Variants in SH3RF1 observed in about 807,000 individuals in gnomAD.
SH3RF1 encodes the protein SH3 domain containing ring finger 1, also known as E3 ubiquitin-protein ligase SH3RF1.
In SH3RF1, 32 loss-of-function variants were observed where a neutral mutation model predicts 74.0. The ratio of observed to expected loss-of-function variants is 0.43; its 90% confidence interval spans 0.33 to 0.58. The LOEUF (loss-of-function observed/expected upper bound fraction) is 0.58. Among genes scored for constraint, SH3RF1 ranks in the 20% least tolerant of loss-of-function variants. The probability of loss-of-function intolerance (pLI) is 0.05; values close to 1 mark genes in which losing one functional copy is unlikely to be tolerated. For synonymous variants in SH3RF1, 396 were observed against 439.6 expected, an observed-to-expected ratio of 0.90 and a Z score of 1.24; for missense variants, 954 against 1,130.9, an observed-to-expected ratio of 0.84 and a Z score of 2.24.
At chr4:169,183,615 G>C (rs1437217260) in intron 2 of SH3RF1, among the ~76,000 whole-genome samples, 1 of 152,030 alleles carries the variant, frequency 6.6e-6, no homozygotes, top group Non-Finnish European at 1.5e-5. Flanking sequence ...GGGTGTGGTG[G>C]TGTACAACTG....
At chr4:169,260,872 C>T (rs1184460466) in intron 2 of SH3RF1, among the ~76,000 whole-genome samples, 28 of 152,192 alleles carry the variant, frequency 1.8e-4, no homozygotes, top group Admixed American at 1.8e-3. Flanking sequence ...ACACTACATC[C>T]ACTTTATAAT....
At chr4:169,221,520 C>G (rs1261511905) in intron 2 of SH3RF1, among the ~76,000 whole-genome samples, 1 of 152,156 alleles carries the variant, frequency 6.6e-6, no homozygotes, top group Non-Finnish European at 1.5e-5. Context: ...ACCAACAACT[C>G]AGTTCCGAGA....
intron 5 of SH3RF1, among the ~76,000 whole-genome samples, chr4:169,132,483 C>A (rs1037705733): frequency 6.6e-6 from 1 of 152,112 alleles, no homozygotes; most frequent in African/African-American, 2.4e-5. Flanking sequence ...AGCACTGCAG[C>A]AAAGGAAGAG....
chr4:169,227,471 C>T (rs1014109307), intron 2 of SH3RF1, among the ~76,000 whole-genome samples: 5 of 152,138 alleles, frequency 3.3e-5, no homozygotes, highest in Admixed American at 6.5e-5. Flanking sequence ...ATGTAGTTGT[C>T]TTAACAGGTA....
chr4:169,146,307 G>A (rs1478030803), intron 4 of SH3RF1, among the ~76,000 whole-genome samples: 1 of 148,640 alleles, frequency 6.7e-6, no homozygotes, highest in Non-Finnish European at 1.5e-5. Flanking sequence ...TCAGCTTGCT[G>A]CAACCTCTGC....
At chr4:169,261,910 A>T (rs1389538173) in intron 2 of SH3RF1, among the ~76,000 whole-genome samples, 1 of 152,180 alleles carries the variant, frequency 6.6e-6, no homozygotes, top group Non-Finnish European at 1.5e-5. Context: ...TAAAACAAAG[A>T]AAAATACTAT....
At chr4:169,244,374 T>C (rs2110737915) in intron 2 of SH3RF1, among the ~76,000 whole-genome samples, 1 of 151,248 alleles carries the variant, frequency 6.6e-6, no homozygotes, top group East Asian at 2.0e-4. Flanking sequence ...GCTGATTCAG[T>C]AAGTACTTCC....
intron 2 of SH3RF1, among the ~76,000 whole-genome samples, chr4:169,233,568 T>C (rs1382537885): frequency 2.6e-5 from 4 of 152,232 alleles, no homozygotes; most frequent in Non-Finnish European, 4.4e-5. Context: ...ATTTAACTCA[T>C]TGATAAACAC....
At chr4:169,128,141 T>G (rs1733555893) in intron 6 of SH3RF1, among the ~76,000 whole-genome samples, 1 of 152,176 alleles carries the variant, frequency 6.6e-6, no homozygotes, top group African/African-American at 2.4e-5. Context: ...CAAGTTAGAA[T>G]TTTATCATGC....
chr4:169,209,307 G>A (rs957956322), intron 2 of SH3RF1, among the ~76,000 whole-genome samples: 3 of 151,404 alleles, frequency 2.0e-5, no homozygotes, highest in Non-Finnish European at 2.9e-5. Context: ...AAAAAAATGA[G>A]GCAGCAAGTT....
At chr4:169,160,248 T>C (rs1542978) in intron 2 of SH3RF1, among the ~76,000 whole-genome samples, 145,235 of 152,288 alleles carry the variant, frequency 0.95, 69,640 homozygotes, top group East Asian at 1. Context: ...AAATTCCAAA[T>C]GACCCACAAT....
At chr4:169,246,350 T>C (rs1015216545) in intron 2 of SH3RF1, among the ~76,000 whole-genome samples, 7 of 152,214 alleles carry the variant, frequency 4.6e-5, no homozygotes, top group African/African-American at 1.7e-4. Context: ...CAGCATATTT[T>C]AATATTTCCA....
chr4:169,175,252 A>G (rs1370812994), intron 2 of SH3RF1, among the ~76,000 whole-genome samples: 1 of 152,196 alleles, frequency 6.6e-6, no homozygotes, highest in Non-Finnish European at 1.5e-5. Context: ...TATTGCCACT[A>G]TTAACACCCT....
intron 5 of SH3RF1, among the ~76,000 whole-genome samples, chr4:169,134,875 T>G (rs2126953620): frequency 6.6e-6 from 1 of 152,342 alleles, no homozygotes; most frequent in Admixed American, 6.5e-5. Context: ...GACCCTTGCC[T>G]TCACTGCACT....
chr4:169,249,423 C>T (rs373055867), intron 2 of SH3RF1, among the ~76,000 whole-genome samples: 21 of 152,210 alleles, frequency 1.4e-4, no homozygotes, highest in Admixed American at 3.3e-4. Context: ...CACCAGATAA[C>T]TGAACCTACC....
intron 11 of SH3RF1, among the ~76,000 whole-genome samples, chr4:169,101,856 T>C (rs1733042604): frequency 6.6e-6 from 1 of 152,078 alleles, no homozygotes; most frequent in African/African-American, 2.4e-5. Flanking sequence ...ACTCAACTTT[T>C]GGTGATAACT....
intron 2 of SH3RF1, among the ~76,000 whole-genome samples, chr4:169,223,155 C>T (rs969950714): frequency 6.6e-6 from 1 of 152,172 alleles, no homozygotes; most frequent in Non-Finnish European, 1.5e-5. Context: ...AAAAGAACAT[C>T]TATTCATTCC....
Position 169,156,696 on chromosome 4 carries a change from G to A in SH3RF1, c.394-17C>T. On this transcript the variant is annotated splice_polypyrimidine_tract_variant and intron_variant, in intron 2 of 11. Transcript: ENST00000284637. Reference sequence around the variant, plus strand: ...AGGTATACCCTTTAAAAAAAAAAGAGGGATGAATTTTAATAAAATAATGGT... The same window carrying A: ...AGGTATACCCTTTAAAAAAAAAAGAAGGATGAATTTTAATAAAATAATGGT... 6.5e-7 allele frequency: 1 copy of A among 1,543,178 alleles called. No individual in the cohort carries two copies. Among genetic ancestry groups the A allele is most frequent in the Non-Finnish European group, 8.7e-7 (1 of 1,143,652 alleles).
chr4:169,187,252 G>A (rs546775344), intron 2 of SH3RF1, among the ~76,000 whole-genome samples: 8 of 152,252 alleles, frequency 5.3e-5, no homozygotes, highest in East Asian at 1.9e-4. Context: ...AGGCTAGAGC[G>A]CAGTGGTGTA....
Sources: allele counts gnomAD v4.1 joint callset (sites outside exome capture counted in the v4.1 genomes callset), GRCh38; gene constraint gnomAD v4.1.1; transcripts MANE v1.5; gene names NCBI Gene and HGNC (gene_info 2026-07-23, HGNC 2026-07-21).